Variants in HOMER1 observed in about 807,000 individuals in gnomAD.
The protein encoded by HOMER1 is homer scaffold protein 1, also known as homer protein homolog 1.
HOMER1 carries 3 observed loss-of-function variants against 48.9 expected under a neutral mutation model. The observed-to-expected ratio is 0.06, with a 90% CI of 0.03 to 0.16. The LOEUF (loss-of-function observed/expected upper bound fraction) is 0.16, where lower values mean the gene tolerates loss of function less well. Among genes scored for constraint, HOMER1 ranks in the 10% least tolerant of loss-of-function variants. HOMER1 has a pLI of 1.00. For synonymous variants in HOMER1, 134 were observed against 146.4 expected, an observed-to-expected ratio of 0.92 and a Z score of 0.61; for missense variants, 247 against 411.4, an observed-to-expected ratio of 0.60 and a Z score of 3.46.
At chr5:79,452,763 C>T (rs982293557) in intron 2 of HOMER1, among the ~76,000 whole-genome samples, 1 of 152,082 alleles carries the variant, frequency 6.6e-6, no homozygotes, top group Non-Finnish European at 1.5e-5. Context: ...ATATGAGAGC[C>T]CTTATGCTCA....
intron 5 of HOMER1, among the ~76,000 whole-genome samples, chr5:79,415,326 T>G (rs1333854323): frequency 6.6e-6 from 1 of 151,628 alleles, no homozygotes; most frequent in Non-Finnish European, 1.5e-5. Context: ...TCCCAAAGGG[T>G]TGGCATTACT....
intron 5 of HOMER1, among the ~76,000 whole-genome samples, chr5:79,428,432 G>A (rs1750330622): frequency 6.6e-6 from 1 of 151,960 alleles, no homozygotes; most frequent in African/African-American, 2.4e-5. Context: ...CTGTACTACA[G>A]GTTCTAGCTA....
chr5:79,494,308 C>T (rs535556141), intron 1 of HOMER1, among the ~76,000 whole-genome samples: 3 of 152,162 alleles, frequency 2.0e-5, no homozygotes, highest in Non-Finnish European at 4.4e-5. Flanking sequence ...TAAAGCATTC[C>T]CACGGGGCTG....
intron 2 of HOMER1, among the ~76,000 whole-genome samples, chr5:79,456,097 G>C (rs1228887357): frequency 1.3e-5 from 2 of 148,830 alleles, no homozygotes; most frequent in African/African-American, 5.0e-5. Flanking sequence ...AGAGGTTGCA[G>C]TGAGCTGAGC....
intron 5 of HOMER1, among the ~76,000 whole-genome samples, chr5:79,422,216 G>A (rs149802829): frequency 0.018 from 2,696 of 150,784 alleles, 41 homozygotes; most frequent in Admixed American, 0.026. Flanking sequence ...GACAGAGGGA[G>A]GCTCCATCTC....
At chr5:79,492,994 A>G (rs997938169) in intron 1 of HOMER1, among the ~76,000 whole-genome samples, 3 of 143,742 alleles carry the variant, frequency 2.1e-5, no homozygotes, top group Non-Finnish European at 3.0e-5. Flanking sequence ...TCGTGGCTCA[A>G]TGTAACCTCC....
In HOMER1 at chr5:79,375,354, C is replaced by A. The variant is rs1468961255; in HGVS notation, c.*655G>T. On this transcript the variant is annotated 3_prime_UTR_variant, in exon 9 of 9. Coordinates refer to ENST00000334082, the MANE Select transcript of HOMER1 (RefSeq NM_004272.5). ...ATGGAAAAGTAAACTATACAACAGA[C>A]AAGATTAGAGAACACCAGAGTGTAC... is the stretch of plus-strand genomic sequence containing the variant. 4 of 151,908 alleles carry A rather than the reference C, an allele frequency of 2.6e-5. No individual in the cohort carries two copies. Among genetic ancestry groups the A allele is most frequent in the Non-Finnish European group, 5.9e-5 (4 of 67,898 alleles). The allele number at this position is 151,908 out of a possible 1,614,324, so 9.4% of individuals were successfully genotyped here.
At chr5:79,512,213 C>CA (rs1399726729) in intron 1 of HOMER1, among the ~76,000 whole-genome samples, 1 of 152,192 alleles carries the variant, frequency 6.6e-6, no homozygotes, top group Admixed American at 6.5e-5. Context: ...GTGACCGCAT[C>CA]AGTAAGACTG....
At chr5:79,480,262 AC>A (rs1751911007) in intron 1 of HOMER1, among the ~76,000 whole-genome samples, 1 of 152,308 alleles carries the variant, frequency 6.6e-6, no homozygotes, top group African/African-American at 2.4e-5. Flanking sequence ...GTGGAGAAAA[AC>A]ATTTTGTTGA....
chr5:79,400,585 G>C (rs1749508855), intron 6 of HOMER1, among the ~76,000 whole-genome samples: 1 of 151,280 alleles, frequency 6.6e-6, no homozygotes, highest in Non-Finnish European at 1.5e-5. Context: ...TTGAACTCCT[G>C]GGCTCAAGCA....
chr5:79,460,391 G>A (rs2095675109), intron 1 of HOMER1, among the ~76,000 whole-genome samples: 1 of 152,164 alleles, frequency 6.6e-6, no homozygotes, highest in Admixed American at 6.5e-5. Context: ...TCATGCCACT[G>A]CACTCCAATT....
At chr5:79,448,288 TTC>T (rs1450105483) in intron 3 of HOMER1, among the ~76,000 whole-genome samples, 1 of 152,170 alleles carries the variant, frequency 6.6e-6, no homozygotes, top group Admixed American at 6.5e-5. Context: ...AAAACAAAAC[TTC>T]TCTTTATGTA....
chr5:79,509,722 A>G lies in HOMER1; in HGVS notation c.5+3048T>C, dbSNP rs188986617. On this transcript the variant is annotated intron_variant, in intron 1 of 8. Transcript: ENST00000334082. ...TTTCAGCTGTTCTTCTCCATTTCCA[A>G]AAAGTTCATAAACTACTATTAGGGG... 7.5e-4 allele frequency among the ~76,000 whole-genome samples: 115 copies of G among 152,332 alleles called. 1 individual carries two copies. The highest frequency in any genetic ancestry group is 2.7e-3 in the African/African-American group (111 of 41,576).
chr5:79,494,406 T>C (rs1390998004), intron 1 of HOMER1, among the ~76,000 whole-genome samples: 2 of 152,240 alleles, frequency 1.3e-5, no homozygotes, highest in South Asian at 4.1e-4. Flanking sequence ...TATCAACTAA[T>C]GGCTGACCAA....
intron 6 of HOMER1, among the ~76,000 whole-genome samples, chr5:79,399,298 A>T (rs1327402889): frequency 6.6e-6 from 1 of 152,186 alleles, no homozygotes; most frequent in Admixed American, 6.5e-5. Flanking sequence ...TGACTGAACA[A>T]GCAGAAATCC....
At chr5:79,400,913 TAA>T (rs1320488734) in intron 6 of HOMER1, among the ~76,000 whole-genome samples, 7 of 127,832 alleles carry the variant, frequency 5.5e-5, no homozygotes, top group African/African-American at 2.1e-4. Flanking sequence ...CTTGGTTAAT[TAA>T]AAAAAAAAAA....
At chr5:79,434,196 AT>A (rs1933360159) in intron 5 of HOMER1, among the ~76,000 whole-genome samples, 1 of 152,162 alleles carries the variant, frequency 6.6e-6, no homozygotes, top group Non-Finnish European at 1.5e-5. Flanking sequence ...ATTGTACCAT[AT>A]TTGAGGATCA....
At chr5:79,383,668 G>A (rs1469824866) in intron 8 of HOMER1, among the ~76,000 whole-genome samples, 1 of 152,162 alleles carries the variant, frequency 6.6e-6, no homozygotes, top group African/African-American at 2.4e-5. Context: ...ACAGGCATGA[G>A]CCACCTCGCC....
At chr5:79,409,671 C>G (rs1261806017) in intron 5 of HOMER1, among the ~76,000 whole-genome samples, 1 of 152,134 alleles carries the variant, frequency 6.6e-6, no homozygotes, top group Non-Finnish European at 1.5e-5. Context: ...ATATAAATAA[C>G]TCCTATAACT....
Sources: gnomAD v4.1 joint callset for allele counts (sites outside exome capture counted in the v4.1 genomes callset) on GRCh38, gnomAD v4.1.1 for gene constraint, MANE v1.5 for transcripts, NCBI Gene and HGNC (gene_info 2026-07-23, HGNC 2026-07-21) for gene names.